Variants in NCBP3 observed in about 807,000 individuals in gnomAD.
NCBP3 encodes the protein nuclear cap-binding protein subunit 3.
NCBP3 carries 20 observed loss-of-function variants against 75.7 expected under a neutral mutation model. That is an observed-to-expected ratio of 0.26 (90% CI 0.19 to 0.38). The LOEUF is 0.38. Among genes scored for constraint, NCBP3 ranks in the 10% least tolerant of loss-of-function variants. The pLI is 1.00. For synonymous variants in NCBP3, 293 were observed against 290.5 expected, an observed-to-expected ratio of 1.01 and a Z score of -0.09; for missense variants, 678 against 796.9, an observed-to-expected ratio of 0.85 and a Z score of 1.80.
chr17:3,844,326 T>C (rs1250363939), intron 1 of NCBP3, among the ~76,000 whole-genome samples: 2 of 152,200 alleles, frequency 1.3e-5, no homozygotes, highest in Non-Finnish European at 2.9e-5. Context: ...CTACCTGCCT[T>C]CCTGACCTCT....
chr17:3,831,154 G>A (rs187775104), intron 3 of NCBP3, among the ~76,000 whole-genome samples: 3 of 147,352 alleles, frequency 2.0e-5, no homozygotes, highest in East Asian at 2.1e-4. Flanking sequence ...CAGGTGATCC[G>A]CCTGCCTCGG....
chr17:3,832,911 G>A (rs1412904087), intron 3 of NCBP3, among the ~76,000 whole-genome samples: 8 of 152,162 alleles, frequency 5.3e-5, no homozygotes, highest in Admixed American at 2.6e-4. Context: ...TCAGTTGAGT[G>A]CTTTCCTGAC....
chr17:3,840,185 C>T lies in NCBP3; in HGVS notation c.270G>A (p.Glu90=). The part of the protein sequence containing the change: ...VTSKEAIEKK[E]QRAKRFHFRS... The stretch of plus-strand genomic sequence containing the variant: ...GAAAATGGAAGCGCTTGGCTCGCTG[C>T]TCTTTCTTTTCAATTGCTTCCTAGA... Residue 90 remains glutamate, a synonymous_variant, in exon 3 of 13, where the codon GAG becomes GAA. Transcript: ENST00000389005. The T allele has an allele frequency of 3.2e-6, 5 of 1,551,692 alleles. No individual in the cohort carries two copies. Among genetic ancestry groups the T allele is most frequent in the South Asian group, 1.2e-5 (1 of 84,052 alleles).
Position 3,821,940 on chromosome 17 carries a change from GT to G in NCBP3, c.896+12del. On this transcript the variant is annotated intron_variant, in intron 8 of 12. Coordinates refer to ENST00000389005, the MANE Select transcript of NCBP3 (RefSeq NM_001114118.3). ...AACTCAAATACTATTGCATTTGAAG[GT>G]TTTGGACTCACCATGAATTGCTAAG... 6.4e-7 allele frequency: 1 copy of G among 1,558,758 alleles called. No homozygotes were observed. Among genetic ancestry groups the G allele is most frequent in the Non-Finnish European group, 8.8e-7 (1 of 1,132,154 alleles).
In NCBP3 at chr17:3,822,013, T is replaced by A. The variant is rs2053675243; in HGVS notation, c.836A>T (p.Tyr279Phe). The A allele has an allele frequency of 1.2e-6, 2 of 1,613,074 alleles. No homozygotes were observed. The highest frequency in any genetic ancestry group is 8.5e-7 in the Non-Finnish European group (1 of 1,179,564). ...ATTTGGATTCCCATATTTCATGTAATACTGACTTCTTCTGGCTGCTCCAAG... is the reference window on the plus strand; with the variant it reads ...ATTTGGATTCCCATATTTCATGTAAAACTGACTTCTTCTGGCTGCTCCAAG... ...KELGAARRSQ[Y>F]YMKYGNPNYG... Residue 279 changes from tyrosine (Y) to phenylalanine (F), a missense_variant, in exon 8 of 13, where the codon TAT (tyrosine) becomes TTT (phenylalanine). Tyr to Phe is a conservative substitution (Grantham distance 22). Coordinates refer to ENST00000389005, the MANE Select transcript of NCBP3 (RefSeq NM_001114118.3).
chr17:3,845,682 C>A (rs922817058), intron 1 of NCBP3, among the ~76,000 whole-genome samples: 1 of 152,152 alleles, frequency 6.6e-6, no homozygotes, highest in African/African-American at 2.4e-5. Flanking sequence ...TCTGGGCTGC[C>A]CCTGGTTCTG....
chr17:3,844,648 C>T (rs1043855559), intron 1 of NCBP3, among the ~76,000 whole-genome samples: 1 of 152,034 alleles, frequency 6.6e-6, no homozygotes, highest in Non-Finnish European at 1.5e-5. Context: ...GTCAGGTGTT[C>T]GAGACCAGCC....
intron 3 of NCBP3, among the ~76,000 whole-genome samples, chr17:3,837,171 T>A (rs1036156614): frequency 4.8e-5 from 7 of 145,274 alleles, no homozygotes; most frequent in Admixed American, 2.1e-4. Flanking sequence ...AAAATAAAAA[T>A]AAATAAATAA....
At chr17:3,821,218 G>T in intron 9 of NCBP3, 31 bp downstream of exon 9, 3 of 1,470,284 alleles carry the variant, frequency 2.0e-6, no homozygotes, top group Non-Finnish European at 9.5e-7. Context: ...AGCCAAACAT[G>T]TGTCTACCCA....
intron 10 of NCBP3, among the ~76,000 whole-genome samples, chr17:3,817,685 AC>A (rs1392951024): frequency 1.3e-5 from 2 of 152,226 alleles, no homozygotes; most frequent in African/African-American, 4.8e-5. Flanking sequence ...AGCAATACTT[AC>A]CATCTTTTTA....
At position 3,812,186 on chromosome 17, in the gene NCBP3, G is replaced by A. The variant is rs945209892; in HGVS notation, c.*858C>T. On this transcript the variant is annotated 3_prime_UTR_variant, in exon 13 of 13. Coordinates refer to ENST00000389005, the MANE Select transcript of NCBP3 (RefSeq NM_001114118.3). ...ATATATATTTAACAGCACAAAAGACGACACCACTTGAGCTTCCCCTTTAGC... is the reference window on the plus strand; with the variant it reads ...ATATATATTTAACAGCACAAAAGACAACACCACTTGAGCTTCCCCTTTAGC... 5 of 152,232 alleles carry A rather than the reference G, an allele frequency of 3.3e-5. No individual in the cohort carries two copies. The highest frequency in any genetic ancestry group is 4.8e-5 in the African/African-American group (2 of 41,400). The allele number at this position is 152,232 out of a possible 1,614,324, so 9.4% of individuals were successfully genotyped here. A position where few individuals can be genotyped will look rare whatever the true frequency, so the allele number is the denominator to read the frequency against.
chr17:3,830,224 T>C (rs550249288), intron 3 of NCBP3, among the ~76,000 whole-genome samples: 1 of 152,260 alleles, frequency 6.6e-6, no homozygotes, highest in Non-Finnish European at 1.5e-5. Flanking sequence ...AACACATACA[T>C]GTGGGCTCAC....
At chr17:3,827,594 C>T (rs1274505662) in intron 4 of NCBP3, among the ~76,000 whole-genome samples, 2 of 152,170 alleles carry the variant, frequency 1.3e-5, no homozygotes, top group East Asian at 3.8e-4. Flanking sequence ...CTATGCGTCC[C>T]CTATATCTCA....
intron 9 of NCBP3, among the ~76,000 whole-genome samples, chr17:3,820,135 C>T (rs1448294723): frequency 5.9e-5 from 9 of 152,014 alleles, no homozygotes; most frequent in Non-Finnish European, 1.0e-4. Context: ...TTTTTTGTAA[C>T]GACAAGGTCT....
At chr17:3,814,129 T>C (rs1398752841) in intron 12 of NCBP3, among the ~76,000 whole-genome samples, 193 bp downstream of exon 12, 1 of 152,220 alleles carries the variant, frequency 6.6e-6, no homozygotes, top group Non-Finnish European at 1.5e-5. Flanking sequence ...TTTTTTTCTA[T>C]TTTCTAAGCG....
At chr17:3,834,344 T>TGACGGGGTTTG (rs879695023) in intron 3 of NCBP3, among the ~76,000 whole-genome samples, 13 of 152,228 alleles carry the variant, frequency 8.5e-5, no homozygotes, top group Non-Finnish European at 1.5e-4. Flanking sequence ...CTGTTGACAA[T>TGACGGGGTTTG]GACGGGGTTT....
chr17:3,802,640 C>G lies in NCBP3; in HGVS notation c.*10404G>C, dbSNP rs547451897. 1.8e-4 allele frequency: 28 copies of G among 152,320 alleles called. No homozygotes were observed. Among genetic ancestry groups the G allele is most frequent in the Non-Finnish European group, 1.5e-5 (1 of 68,134 alleles). 9.4% of individuals were successfully genotyped at this position (152,320 alleles called of 1,614,324 possible). A position where few individuals can be genotyped will look rare whatever the true frequency, so the allele number is the denominator to read the frequency against. Reference sequence around the variant, plus strand: ...CCTGTCTTCCCAGCGCTCCAGGGCTCGTGACCCTCCTCCTCCCCTCACTTC... The same window carrying G: ...CCTGTCTTCCCAGCGCTCCAGGGCTGGTGACCCTCCTCCTCCCCTCACTTC... On this transcript the variant is annotated 3_prime_UTR_variant, in exon 13 of 13. Transcript: ENST00000389005.
In NCBP3 at chr17:3,813,851, A is replaced by G. The variant is rs182788153; in HGVS notation, c.1627+471T>C. 1.5e-4 allele frequency among the ~76,000 whole-genome samples: 23 copies of G among 152,114 alleles called. No homozygotes were observed. The East Asian group carries it at 4.5e-3, about 29-fold the overall frequency. On this transcript the variant is annotated intron_variant, in intron 12 of 12. Transcript: ENST00000389005. ...GCTCATTTTTGTGTTTTTAGTAGAG[A>G]CAGGGTTTCACCATGTTGGTTAGGC...
chr17:3,815,310 C>CTA (rs2053509336), intron 11 of NCBP3, among the ~76,000 whole-genome samples: 2 of 152,206 alleles, frequency 1.3e-5, no homozygotes, highest in African/African-American at 4.8e-5. Flanking sequence ...CTCTCCAAGG[C>CTA]CTGGCTCTAA....
Sources: gnomAD v4.1 joint callset for allele counts (sites outside exome capture counted in the v4.1 genomes callset) on GRCh38, gnomAD v4.1.1 for gene constraint, MANE v1.5 for transcripts, NCBI Gene and HGNC (gene_info 2026-07-23, HGNC 2026-07-21) for gene names.